Variants in KY observed in about 807,000 individuals in gnomAD.
KY encodes the protein kyphoscoliosis peptidase.
KY carries 43 observed loss-of-function variants against 76.1 expected under a neutral mutation model. The observed-to-expected ratio is 0.57, with a 90% CI of 0.44 to 0.73. The LOEUF is 0.73. Among genes scored for constraint, KY ranks in the 30% least tolerant of loss-of-function variants. The pLI is 0.00. For missense variants in KY, 722 were observed against 828.9 expected, an observed-to-expected ratio of 0.87 and a Z score of 1.58; for synonymous variants, 277 against 326.2, an observed-to-expected ratio of 0.85 and a Z score of 1.63.
intron 3 of KY, among the ~76,000 whole-genome samples, chr3:134,632,011 T>C (rs1964303805): frequency 6.6e-6 from 1 of 152,056 alleles, no homozygotes; most frequent in Admixed American, 6.5e-5. Context: ...GCTATGTTAA[T>C]ATCAGATCAG....
intron 8 of KY, among the ~76,000 whole-genome samples, chr3:134,611,634 C>T (rs1960476877): frequency 6.6e-6 from 1 of 152,234 alleles, no homozygotes; most frequent in Non-Finnish European, 1.5e-5. Flanking sequence ...TGATGGGGCT[C>T]CTTTGAGTAC....
intron 1 of KY, among the ~76,000 whole-genome samples, chr3:134,649,256 G>A (rs1029662578): frequency 6.6e-6 from 1 of 152,160 alleles, no homozygotes; most frequent in Non-Finnish European, 1.5e-5. Flanking sequence ...TCACTAGTGT[G>A]CATACATGAG....
intron 3 of KY, among the ~76,000 whole-genome samples, chr3:134,641,541 C>T (rs1577799783): frequency 6.6e-6 from 1 of 152,138 alleles, no homozygotes; most frequent in Non-Finnish European, 1.5e-5. Flanking sequence ...AATGAATGCA[C>T]CCCTAGAGCC....
Position 134,603,500 on chromosome 3 carries a change from G to T in KY, c.*79C>A. The T allele has an allele frequency of 2.3e-6, 3 of 1,308,780 alleles. No homozygotes were observed. Among genetic ancestry groups the T allele is most frequent in the Non-Finnish European group, 3.2e-6 (3 of 949,800 alleles). The allele number at this position is 1,308,780 out of a possible 1,614,324, so 81.1% of individuals were successfully genotyped here. A position where few individuals can be genotyped will look rare whatever the true frequency, so the allele number is the denominator to read the frequency against. On this transcript the variant is annotated 3_prime_UTR_variant, in exon 11 of 11. Coordinates refer to ENST00000423778, the MANE Select transcript of KY (RefSeq NM_178554.6). ...TCATGCAGACTCAGTGGTGTCCAGG[G>T]CTCCCTGCACTTCCTTCGAGCCCTC... is the stretch of plus-strand genomic sequence containing the variant.
At position 134,601,148 on chromosome 3, in the gene KY, A is replaced by T. The variant is rs1251006794; in HGVS notation, c.*2431T>A. 1.3e-5 allele frequency: 2 copies of T among 152,232 alleles called. No individual in the cohort carries two copies. The highest frequency in any genetic ancestry group is 4.8e-5 in the African/African-American group (2 of 41,454). 9.4% of individuals were successfully genotyped at this position (152,232 alleles called of 1,614,324 possible). On this transcript the variant is annotated 3_prime_UTR_variant, in exon 11 of 11. Coordinates refer to ENST00000423778, the MANE Select transcript of KY (RefSeq NM_178554.6). ...CTGAGCAGCATGCGTGTAAAAATTC[A>T]TGAAGATTAGATTTCATTTCATGTA...
chr3:134,610,546 A>G, intron 8 of KY, 163 bp from the exon 9 acceptor site: 1 of 625,162 alleles, frequency 1.6e-6, no homozygotes. Context: ...GATGGCTTTT[A>G]TCTCGGGGCA....
chr3:134,625,677 A>C (rs1222160622), intron 5 of KY, among the ~76,000 whole-genome samples: 2 of 152,252 alleles, frequency 1.3e-5, no homozygotes, highest in Non-Finnish European at 2.9e-5. Flanking sequence ...CTGCAGGGCG[A>C]GGTGCGTTTG....
At chr3:134,629,844 A>G in intron 3 of KY, 149 bp from the exon 4 acceptor site, 6 of 614,452 alleles carry the variant, frequency 9.8e-6, no homozygotes, top group Non-Finnish European at 1.8e-5. Context: ...TTAAATCAAA[A>G]CAACAACAAA....
At chr3:134,608,456 C>T (rs1253441761) in intron 10 of KY, 193 bp downstream of exon 10, 1 of 1,524,898 alleles carries the variant, frequency 6.6e-7, no homozygotes, top group Admixed American at 2.0e-5. Flanking sequence ...TATGGCCCTT[C>T]CCTGCCCTGA....
intron 8 of KY, chr3:134,610,735 G>T: frequency 5.0e-6 from 1 of 199,252 alleles, no homozygotes; most frequent in Non-Finnish European, 1.0e-5. Context: ...GGGGGCAAGC[G>T]TGAGGCTGGC....
intron 10 of KY, 119 bp from the exon 11 acceptor site, chr3:134,604,593 T>C: frequency 1.2e-6 from 1 of 828,388 alleles, no homozygotes; most frequent in Non-Finnish European, 1.9e-6. Context: ...CTTGTCTATT[T>C]CCACGGTGTT....
intron 6 of KY, 79 bp downstream of exon 6, chr3:134,624,974 G>T: frequency 8.1e-7 from 1 of 1,227,984 alleles, no homozygotes; most frequent in Non-Finnish European, 1.2e-6. Flanking sequence ...TTCAGGAGGT[G>T]TCTGGGGAGA....
intron 3 of KY, among the ~76,000 whole-genome samples, chr3:134,634,377 T>C (rs1028103833): frequency 1.3e-5 from 2 of 152,076 alleles, no homozygotes; most frequent in Non-Finnish European, 1.5e-5. Context: ...ATCACAACAA[T>C]GTGATGTTGG....
chr3:134,613,345 A>T (rs1000734658), intron 8 of KY: 1 of 152,682 alleles, frequency 6.5e-6, no homozygotes, highest in Non-Finnish European at 1.5e-5. Flanking sequence ...AAGGGAGTGA[A>T]GTGGAGGCAA....
rs553766665 is a variant in KY, at chr3:134,628,397, C to T, written c.338-579G>A. On this transcript the variant is annotated intron_variant, in intron 4 of 10. Transcript: ENST00000423778. ...GCAAAAGGAAAGGAACTTTCCCTGC[C>T]GATCTGGAACCAGGTCAGGAAGATT... 3.3e-5 allele frequency among the ~76,000 whole-genome samples: 5 copies of T among 152,268 alleles called. No individual in the cohort carries two copies. In the South Asian group the frequency reaches 8.3e-4, roughly 25 times the overall value.
At chr3:134,615,705 A>C (rs1464965162) in intron 8 of KY, among the ~76,000 whole-genome samples, 4 of 150,510 alleles carry the variant, frequency 2.7e-5, no homozygotes, top group Non-Finnish European at 5.9e-5. Flanking sequence ...GGCCTTATAC[A>C]CCAGCATCAG....
At chr3:134,650,091 T>G (rs998984683) in intron 1 of KY, among the ~76,000 whole-genome samples, 1 of 152,208 alleles carries the variant, frequency 6.6e-6, no homozygotes. Context: ...CCATTCACAT[T>G]GTGTTCTGTC....
chr3:134,648,076 C>G (rs570816297), intron 1 of KY, among the ~76,000 whole-genome samples: 79 of 152,360 alleles, frequency 5.2e-4, no homozygotes, highest in African/African-American at 1.9e-3. Flanking sequence ...AGCTCTCGCT[C>G]TGGCTGCGGC....
At chr3:134,606,546 A>G (rs1959217172) in intron 10 of KY, among the ~76,000 whole-genome samples, 1 of 152,024 alleles carries the variant, frequency 6.6e-6, no homozygotes, top group South Asian at 2.1e-4. Flanking sequence ...CTTCTCTCCT[A>G]GCCCTGGCTG....
Sources: gnomAD v4.1 joint callset for allele counts (sites outside exome capture counted in the v4.1 genomes callset) on GRCh38, gnomAD v4.1.1 for gene constraint, MANE v1.5 for transcripts, NCBI Gene and HGNC (gene_info 2026-07-23, HGNC 2026-07-21) for gene names.